The following LSAMP variants were observed in gnomAD, a reference collection of about 807,000 sequenced individuals.
LSAMP encodes the protein limbic system associated membrane protein, also known as limbic system-associated membrane protein.
LSAMP carries 7 observed loss-of-function variants against 38.6 expected under a neutral mutation model. The ratio of observed to expected loss-of-function variants is 0.18; its 90% CI spans 0.10 to 0.34. The LOEUF is 0.34. LSAMP is among the 10% of genes least tolerant of loss of function. The probability of loss-of-function intolerance (pLI) is 1.00; values close to 1 mark genes in which losing one functional copy is unlikely to be tolerated. For missense variants in LSAMP, 313 were observed against 420.0 expected, an observed-to-expected ratio of 0.75 and a Z score of 2.23; for synonymous variants, 154 against 166.8, an observed-to-expected ratio of 0.92 and a Z score of 0.59.
intron 3 of LSAMP, among the ~76,000 whole-genome samples, chr3:115,872,373 A>G (rs1378182405): frequency 6.6e-6 from 1 of 152,164 alleles, no homozygotes; most frequent in Non-Finnish European, 1.5e-5. Context: ...TGGCTGCCCC[A>G]TGTGCCACCC....
At chr3:116,234,734 T>C (rs2046444696) in intron 1 of LSAMP, among the ~76,000 whole-genome samples, 1 of 152,326 alleles carries the variant, frequency 6.6e-6, no homozygotes, top group African/African-American at 2.4e-5. Context: ...GCTTTTGAAT[T>C]GAGGCCCTGA....
chr3:116,150,632 A>G (rs1053998322), intron 1 of LSAMP, among the ~76,000 whole-genome samples: 1 of 151,908 alleles, frequency 6.6e-6, no homozygotes, highest in Non-Finnish European at 1.5e-5. Context: ...GGGCCAAGGA[A>G]GAGTTTGGTA....
At chr3:116,429,531 C>G (rs1293960378) in intron 1 of LSAMP, among the ~76,000 whole-genome samples, 1 of 152,052 alleles carries the variant, frequency 6.6e-6, no homozygotes, top group African/African-American at 2.4e-5. Context: ...GTAAAGAAGT[C>G]ACACAAACAA....
intron 1 of LSAMP, among the ~76,000 whole-genome samples, chr3:116,111,598 CTT>C (rs572124359): frequency 6.6e-6 from 1 of 150,464 alleles, no homozygotes; most frequent in Non-Finnish European, 1.5e-5. Context: ...CCTTAGTAGT[CTT>C]TTTTTCCTTT....
intron 1 of LSAMP, among the ~76,000 whole-genome samples, chr3:116,115,690 A>G (rs1355883144): frequency 6.6e-6 from 1 of 152,158 alleles, no homozygotes; most frequent in East Asian, 1.9e-4. Flanking sequence ...AACAAAAAAA[A>G]CTTTGTTGAG....
intron 2 of LSAMP, chr3:116,051,133 A>G (rs1559723220): frequency 1.3e-5 from 2 of 152,218 alleles, no homozygotes; most frequent in Non-Finnish European, 2.9e-5. Context: ...AAAAAGAAGG[A>G]AAGAAAGAAA....
At chr3:116,245,772 A>T (rs922841805) in intron 1 of LSAMP, among the ~76,000 whole-genome samples, 5 of 152,202 alleles carry the variant, frequency 3.3e-5, no homozygotes, top group African/African-American at 1.2e-4. Context: ...AGAGAACCCA[A>T]ACTGAGGCAC....
At chr3:116,246,299 T>C (rs940511206) in intron 1 of LSAMP, among the ~76,000 whole-genome samples, 15 of 152,200 alleles carry the variant, frequency 9.9e-5, no homozygotes, top group African/African-American at 3.1e-4. Flanking sequence ...TGAGGTATCA[T>C]TGCCAGAATA....
chr3:116,155,755 C>T (rs1257493172), intron 1 of LSAMP, among the ~76,000 whole-genome samples: 2 of 151,698 alleles, frequency 1.3e-5, no homozygotes, highest in African/African-American at 2.4e-5. Flanking sequence ...ATTTTTTTAC[C>T]TCTATATTTC....
At chr3:116,428,919 G>T (rs974187805) in intron 1 of LSAMP, among the ~76,000 whole-genome samples, 1 of 152,148 alleles carries the variant, frequency 6.6e-6, no homozygotes, top group African/African-American at 2.4e-5. Flanking sequence ...TGGGATGGGG[G>T]TATTAGTGTT....
chr3:116,056,581 T>C (rs754343752), intron 2 of LSAMP, among the ~76,000 whole-genome samples: 1 of 152,130 alleles, frequency 6.6e-6, no homozygotes, highest in Non-Finnish European at 1.5e-5. Flanking sequence ...AAAAGACTAG[T>C]TCTAATTAAC....
intron 3 of LSAMP, among the ~76,000 whole-genome samples, chr3:115,951,793 T>C (rs1186685257): frequency 6.6e-6 from 1 of 152,146 alleles, no homozygotes; most frequent in Non-Finnish European, 1.5e-5. Flanking sequence ...GCAGATGGCC[T>C]ACTGTGGGAC....
At chr3:116,232,699 C>CTTTCTTTTTTTTT (rs1310867132) in intron 1 of LSAMP, among the ~76,000 whole-genome samples, 2 of 99,474 alleles carry the variant, frequency 2.0e-5, no homozygotes, top group South Asian at 4.5e-4. Flanking sequence ...TTCTTTCTTT[C>CTTTCTTTTTTTTT]TTTTTTTTTT....
chr3:116,220,619 TTTG>T (rs1222820653), intron 1 of LSAMP, among the ~76,000 whole-genome samples: 1 of 152,286 alleles, frequency 6.6e-6, no homozygotes, highest in African/African-American at 2.4e-5. Flanking sequence ...GGTGTCAGGA[TTTG>T]TTGTATGATG....
intron 1 of LSAMP, among the ~76,000 whole-genome samples, chr3:116,164,200 A>G (rs1313526192): frequency 6.6e-6 from 1 of 152,122 alleles, no homozygotes; most frequent in African/African-American, 2.4e-5. Flanking sequence ...ATTGATTCAA[A>G]ATGCAGTTAG....
intron 1 of LSAMP, among the ~76,000 whole-genome samples, chr3:116,204,255 T>C (rs1341598523): frequency 6.6e-6 from 1 of 150,764 alleles, no homozygotes; most frequent in Non-Finnish European, 1.5e-5. Context: ...GTTGTTTGTT[T>C]TTTTCTTGTA....
intron 1 of LSAMP, among the ~76,000 whole-genome samples, chr3:116,103,557 C>CTTT (rs547545490): frequency 0.052 from 6,098 of 117,814 alleles, 589 homozygotes; most frequent in African/African-American, 0.19. Context: ...CTCATTCCAT[C>CTTT]TTTTTTTTTT....
At chr3:116,081,187 G>T (rs757569737) in intron 2 of LSAMP, among the ~76,000 whole-genome samples, 10 of 152,144 alleles carry the variant, frequency 6.6e-5, no homozygotes, top group Non-Finnish European at 1.2e-4. Context: ...ATTGGGGGCC[G>T]GCGAGGTGGC....
intron 1 of LSAMP, among the ~76,000 whole-genome samples, chr3:116,234,734 T>G (rs2046444696): frequency 6.6e-6 from 1 of 152,208 alleles, no homozygotes; most frequent in Non-Finnish European, 1.5e-5. Context: ...GCTTTTGAAT[T>G]GAGGCCCTGA....
Sources: allele counts gnomAD v4.1 joint callset (sites outside exome capture counted in the v4.1 genomes callset), GRCh38; gene constraint gnomAD v4.1.1; transcripts MANE v1.5; gene names NCBI Gene and HGNC (gene_info 2026-07-23, HGNC 2026-07-21).